SOX6: variants seen among roughly 807,000 people sequenced by gnomAD.
SOX6 encodes the protein SRY-box transcription factor 6, also known as transcription factor SOX-6.
A neutral mutation model predicts 97.8 loss-of-function variants in SOX6; 11 were observed. The ratio of observed to expected loss-of-function variants is 0.11; its 90% CI spans 0.07 to 0.19. The LOEUF (loss-of-function observed/expected upper bound fraction) is 0.19, where lower values mean the gene tolerates loss of function less well. Among genes scored for constraint, SOX6 ranks in the 10% least tolerant of loss-of-function variants. The pLI is 1.00. For missense variants in SOX6, 810 were observed against 1,039.5 expected, an observed-to-expected ratio of 0.78 and a Z score of 3.04; for synonymous variants, 360 against 371.4, an observed-to-expected ratio of 0.97 and a Z score of 0.35.
intron 6 of SOX6, among the ~76,000 whole-genome samples, chr11:16,173,150 C>G (rs1019124893): frequency 3.3e-5 from 5 of 151,880 alleles, no homozygotes; most frequent in Admixed American, 2.6e-4. Context: ...AAGATCTATG[C>G]CTACATAGAA....
chr11:16,681,609 C>G (rs2089601392), intron 3 of SOX6, among the ~76,000 whole-genome samples: 1 of 152,004 alleles, frequency 6.6e-6, no homozygotes, highest in Non-Finnish European at 1.5e-5. Flanking sequence ...TAACTAAGAT[C>G]AGAGAAGAAC....
chr11:16,121,786 T>A (rs1393503840), intron 6 of SOX6, among the ~76,000 whole-genome samples: 1 of 151,978 alleles, frequency 6.6e-6, no homozygotes, highest in East Asian at 1.9e-4. Flanking sequence ...TTTAAGAAAC[T>A]CTCACCAGGA....
intron 4 of SOX6, among the ~76,000 whole-genome samples, chr11:16,583,634 TATACAC>T (rs1848060369): frequency 5.8e-5 from 5 of 85,890 alleles, no homozygotes; most frequent in African/African-American, 2.5e-4. Flanking sequence ...TATATATATA[TATACAC>T]ATACACACAC....
intron 15 of SOX6, among the ~76,000 whole-genome samples, chr11:15,982,977 G>A (rs1454381981): frequency 1.3e-5 from 2 of 151,872 alleles, no homozygotes; most frequent in Non-Finnish European, 2.9e-5. Flanking sequence ...ATAGTAGAGG[G>A]AATATTCTGG....
intron 7 of SOX6, among the ~76,000 whole-genome samples, chr11:16,106,553 T>C (rs1467615614): frequency 2.0e-5 from 3 of 151,726 alleles, no homozygotes; most frequent in African/African-American, 4.8e-5. Flanking sequence ...TGTAAAACAA[T>C]AGAAAAAGGT....
At chr11:15,976,510 A>G (rs143034794) in intron 15 of SOX6, among the ~76,000 whole-genome samples, 94 of 152,260 alleles carry the variant, frequency 6.2e-4, no homozygotes, top group African/African-American at 2.2e-3. Flanking sequence ...CCTCACAGAG[A>G]GCAAGCATGT....
At chr11:16,026,043 A>G (rs936102292) in intron 12 of SOX6, among the ~76,000 whole-genome samples, 2 of 152,130 alleles carry the variant, frequency 1.3e-5, no homozygotes, top group African/African-American at 4.8e-5. Flanking sequence ...TCTCAGCTCC[A>G]GACTCTCAGT....
chr11:16,237,329 C>T (rs540016052), intron 3 of SOX6, among the ~76,000 whole-genome samples: 3 of 152,164 alleles, frequency 2.0e-5, no homozygotes, highest in Middle Eastern at 3.4e-3. Context: ...GAAGACACTA[C>T]TGCTACCACC....
chr11:16,620,079 T>C (rs575460792), intron 3 of SOX6, among the ~76,000 whole-genome samples: 3 of 152,262 alleles, frequency 2.0e-5, no homozygotes, highest in African/African-American at 7.2e-5. Context: ...ATTTAGTCCT[T>C]GATATTATAT....
intron 6 of SOX6, among the ~76,000 whole-genome samples, chr11:16,156,228 C>T (rs911809720): frequency 3.3e-5 from 5 of 151,974 alleles, no homozygotes; most frequent in Non-Finnish European, 7.4e-5. Context: ...ATTATAGATG[C>T]TTAATAAATA....
intron 2 of SOX6, among the ~76,000 whole-genome samples, chr11:16,733,349 T>G (rs1848365512): frequency 6.6e-6 from 1 of 152,102 alleles, no homozygotes; most frequent in African/African-American, 2.4e-5. Context: ...AATGATAGAC[T>G]GGATAAAGAA....
chr11:16,075,120 C>T (rs754286011), intron 9 of SOX6, among the ~76,000 whole-genome samples: 4 of 152,104 alleles, frequency 2.6e-5, no homozygotes, highest in East Asian at 3.8e-4. Flanking sequence ...TGGACAAAAA[C>T]AAGCAATGAG....
chr11:16,682,879 C>G (rs1282607625), intron 3 of SOX6, among the ~76,000 whole-genome samples: 1 of 152,224 alleles, frequency 6.6e-6, no homozygotes, highest in African/African-American at 2.4e-5. Flanking sequence ...TGATAAGCAA[C>G]TTCAGCAAAG....
intron 1 of SOX6, among the ~76,000 whole-genome samples, chr11:16,361,915 T>C (rs1019226091): frequency 6.6e-6 from 1 of 152,232 alleles, no homozygotes; most frequent in African/African-American, 2.4e-5. Context: ...TATATGCTTG[T>C]ATGTTATTCA....
At chr11:16,132,451 AGAAAGAAAGAAAG>A (rs1849830467) in intron 6 of SOX6, among the ~76,000 whole-genome samples, 1 of 114,308 alleles carries the variant, frequency 8.7e-6, no homozygotes, top group African/African-American at 3.5e-5. Flanking sequence ...GAAAAAAGAA[AGAAAGAAAGAAAG>A]AAAGAAAGAA....
rs976470813 is a variant in SOX6, at chr11:16,005,289, G to A, written c.1732+9653C>T. 8.6e-5 allele frequency among the ~76,000 whole-genome samples: 13 copies of A among 151,678 alleles called. 1 individual carries two copies. Among genetic ancestry groups the A allele is most frequent in the African/African-American group, 1.7e-4 (7 of 41,308 alleles). ...TCAAAAGGTTCTCTACGATATAGAC[G>A]AAAATATAATGACTAGGCATAAGGC... On this transcript the variant is annotated intron_variant, in intron 13 of 15. Transcript: ENST00000683767.
At chr11:16,321,157 C>T (rs989033410) in intron 2 of SOX6, among the ~76,000 whole-genome samples, 6 of 151,758 alleles carry the variant, frequency 4.0e-5, no homozygotes, top group Admixed American at 6.6e-5. Context: ...TAATAAAGTC[C>T]GTATTAGACA....
chr11:16,666,321 T>G (rs767884325), intron 3 of SOX6, among the ~76,000 whole-genome samples: 1 of 152,082 alleles, frequency 6.6e-6, no homozygotes, highest in Non-Finnish European at 1.5e-5. Context: ...AAATTCAAGA[T>G]AACACAGAGA....
At chr11:16,653,067 A>G (rs1323281175) in intron 3 of SOX6, among the ~76,000 whole-genome samples, 2 of 152,214 alleles carry the variant, frequency 1.3e-5, no homozygotes, top group East Asian at 3.9e-4. Context: ...TCAATGAGCT[A>G]CCACCTTACT....
Sources: allele counts gnomAD v4.1 joint callset (sites outside exome capture counted in the v4.1 genomes callset), GRCh38; gene constraint gnomAD v4.1.1; transcripts MANE v1.5; gene names NCBI Gene and HGNC (gene_info 2026-07-23, HGNC 2026-07-21).